Variants in YWHAE observed in about 807,000 individuals in gnomAD.
YWHAE encodes the protein 14-3-3 protein epsilon.
In YWHAE, 4 loss-of-function variants were observed where a neutral mutation model predicts 30.1. The ratio of observed to expected loss-of-function variants is 0.13; its 90% CI spans 0.07 to 0.30. YWHAE has a LOEUF of 0.30. Ranked by LOEUF, YWHAE falls within the 10% of genes least tolerant of loss-of-function variation. The pLI is 1.00. For missense variants in YWHAE, 121 were observed against 315.9 expected (o/e 0.38, Z 4.68); for synonymous variants, 118 against 111.8 (o/e 1.06, Z -0.35).
intron 4 of YWHAE, among the ~76,000 whole-genome samples, chr17:1,359,235 G>A (rs1465621950): frequency 6.6e-6 from 1 of 152,104 alleles, no homozygotes; most frequent in Non-Finnish European, 1.5e-5. Context: ...TAGGCGAATC[G>A]GCTGAGCCCA....
chr17:1,373,843 TGTACCTAC>T (rs2073083312), intron 1 of YWHAE, among the ~76,000 whole-genome samples: 1 of 151,938 alleles, frequency 6.6e-6, no homozygotes, highest in Non-Finnish European at 1.5e-5. Flanking sequence ...TCAAACAGGG[TGTACCTAC>T]GAACAGAGCC....
chr17:1,384,464 G>C (rs2073268534), intron 1 of YWHAE, among the ~76,000 whole-genome samples: 1 of 151,428 alleles, frequency 6.6e-6, no homozygotes, highest in Non-Finnish European at 1.5e-5. Context: ...GGCCAAGGCG[G>C]GCAGATCACA....
At position 1,358,248 on chromosome 17, in the gene YWHAE, T is replaced by A. The variant is rs529373976; in HGVS notation, c.578+2844A>T. Among the ~76,000 whole-genome samples the A allele has an allele frequency of 2.4e-3, 361 of 150,524 alleles. 2 individuals carry two copies. Among genetic ancestry groups the A allele is most frequent in the Admixed American group, 4.0e-3 (60 of 15,104 alleles). On this transcript the variant is annotated intron_variant, in intron 4 of 5. Transcript: ENST00000264335. ...TACAAAACAAAACAACAAAAAAAAA[T>A]TTTTTTTTTGAGACGGAGTCTCGCT...
Position 1,400,168 on chromosome 17 carries a change from C to G in YWHAE, c.-58G>C. The G allele has an allele frequency of 6.3e-7, 1 of 1,593,264 alleles. No individual in the cohort carries two copies. ...GGATGGAAGCGGATAGTGTCTCCGA[C>G]TCTCTCAGCCTCTCGCTCCGCGTCC... On this transcript the variant is annotated 5_prime_UTR_variant, in exon 1 of 6. Coordinates refer to ENST00000264335, the MANE Select transcript of YWHAE (RefSeq NM_006761.5).
intron 1 of YWHAE, among the ~76,000 whole-genome samples, chr17:1,376,883 G>A (rs541214736): frequency 2.5e-4 from 38 of 151,816 alleles, no homozygotes; most frequent in Non-Finnish European, 7.4e-5. Context: ...CTGGCTGACA[G>A]GATTAATGTT....
intron 1 of YWHAE, among the ~76,000 whole-genome samples, chr17:1,389,896 T>C (rs1490897653): frequency 6.6e-6 from 1 of 151,110 alleles, no homozygotes; most frequent in Non-Finnish European, 1.5e-5. Flanking sequence ...CAGGCTGGAG[T>C]GCAATGGTAC....
At chr17:1,346,895 G>A (rs1598218668) in intron 5 of YWHAE, among the ~76,000 whole-genome samples, 1 of 150,816 alleles carries the variant, frequency 6.6e-6, no homozygotes, top group East Asian at 1.9e-4. Context: ...GGAAGCTGAG[G>A]CATGAGAATT....
chr17:1,368,741 C>A (rs1353429669), intron 1 of YWHAE, among the ~76,000 whole-genome samples: 1 of 152,130 alleles, frequency 6.6e-6, no homozygotes, highest in Non-Finnish European at 1.5e-5. Context: ...TAGTTTAATT[C>A]TCAAAAATCA....
chr17:1,366,958 CAA>C (rs1242006925), intron 1 of YWHAE, among the ~76,000 whole-genome samples: 2 of 151,786 alleles, frequency 1.3e-5, no homozygotes, highest in Non-Finnish European at 2.9e-5. Context: ...AAACACAAAA[CAA>C]AAACCAAAAC....
chr17:1,356,632 C>G (rs1405639537), intron 4 of YWHAE, among the ~76,000 whole-genome samples: 2 of 152,100 alleles, frequency 1.3e-5, no homozygotes, highest in Non-Finnish European at 2.9e-5. Flanking sequence ...AGTTACGATC[C>G]CTATCTGGAC....
chr17:1,400,197 C>T lies in YWHAE; in HGVS notation c.-87G>A, dbSNP rs928392243. ...CTCAGCCTCTCGCTCCGCGTCCGGGCAGCAAAAATGGCGGCGCCTCAATCC... is the reference window on the plus strand; with the variant it reads ...CTCAGCCTCTCGCTCCGCGTCCGGGTAGCAAAAATGGCGGCGCCTCAATCC... On this transcript the variant is annotated 5_prime_UTR_variant, in exon 1 of 6. Transcript: ENST00000264335. 3.3e-6 allele frequency: 5 copies of T among 1,530,318 alleles called. No homozygotes were observed. The highest frequency in any genetic ancestry group is 1.7e-5 in the Admixed American group (1 of 58,888). The allele number at this position is 1,530,318 out of a possible 1,614,324, so 94.8% of individuals were successfully genotyped here. A position where few individuals can be genotyped will look rare whatever the true frequency, so the allele number is the denominator to read the frequency against.
intron 4 of YWHAE, among the ~76,000 whole-genome samples, chr17:1,357,860 G>A (rs1447622908): frequency 2.0e-5 from 3 of 151,680 alleles, no homozygotes; most frequent in Non-Finnish European, 2.9e-5. Context: ...CCGGGAGGCA[G>A]AGGTTGCAGT....
chr17:1,364,441 T>C (rs1041056837), intron 2 of YWHAE, among the ~76,000 whole-genome samples: 3 of 152,124 alleles, frequency 2.0e-5, no homozygotes, highest in African/African-American at 4.8e-5. Context: ...TTAGCCAGGA[T>C]GGTCTCGATC....
intron 1 of YWHAE, among the ~76,000 whole-genome samples, chr17:1,390,330 T>A (rs1342835826): frequency 3.3e-5 from 5 of 152,206 alleles, no homozygotes; most frequent in Non-Finnish European, 7.3e-5. Flanking sequence ...TTTACAGATG[T>A]AAGATTAAGG....
intron 1 of YWHAE, among the ~76,000 whole-genome samples, chr17:1,367,108 CAT>C (rs1491141176): frequency 1.3e-5 from 2 of 152,140 alleles, no homozygotes; most frequent in South Asian, 2.1e-4. Context: ...TTTTAATAAA[CAT>C]GTACCATATG....
chr17:1,382,054 G>T lies in YWHAE; in HGVS notation c.65-16996C>A, dbSNP rs1450747059. 2.0e-5 allele frequency among the ~76,000 whole-genome samples: 3 copies of T among 151,380 alleles called. No homozygotes were observed. The South Asian group carries it at 6.2e-4, about 31-fold the overall frequency. On this transcript the variant is annotated intron_variant, in intron 1 of 5. Coordinates refer to ENST00000264335, the MANE Select transcript of YWHAE (RefSeq NM_006761.5). ...TTGCGGCATAAGTAGTAGTTTTTTT[G>T]TTTGTTTGTTTTGAGATGGAGTCTC...
chr17:1,378,660 ACAGGC>A (rs2073159660), intron 1 of YWHAE, among the ~76,000 whole-genome samples: 1 of 152,220 alleles, frequency 6.6e-6, no homozygotes, highest in South Asian at 2.1e-4. Context: ...GAAATTCAGT[ACAGGC>A]CAGGCACGGC....
At chr17:1,380,695 C>A (rs1481728220) in intron 1 of YWHAE, among the ~76,000 whole-genome samples, 1 of 152,170 alleles carries the variant, frequency 6.6e-6, no homozygotes, top group Non-Finnish European at 1.5e-5. Context: ...AAGAACACAG[C>A]GTTTAGAATC....
At chr17:1,370,164 G>T (rs892045481) in intron 1 of YWHAE, among the ~76,000 whole-genome samples, 5 of 114,462 alleles carry the variant, frequency 4.4e-5, no homozygotes, top group Non-Finnish European at 6.5e-5. Context: ...GTCTCGCTCT[G>T]TCACCAGGCT....
Sources: gnomAD v4.1 joint callset for allele counts (sites outside exome capture counted in the v4.1 genomes callset) on GRCh38, gnomAD v4.1.1 for gene constraint, MANE v1.5 for transcripts, NCBI Gene and HGNC (gene_info 2026-07-23, HGNC 2026-07-21) for gene names.